ST18: variants seen among roughly 807,000 people sequenced by gnomAD.
The protein encoded by ST18 is suppression of tumorigenicity 18 protein.
Under a neutral mutation model 110.0 loss-of-function variants are expected in ST18, and 50 were observed. That is an observed-to-expected ratio of 0.45 (90% CI 0.36 to 0.58). ST18 has a LOEUF of 0.58. ST18 is among the 20% of genes least tolerant of loss of function. The pLI is 0.00. For synonymous variants in ST18, 461 were observed against 452.4 expected (o/e 1.02, Z -0.24); for missense variants, 1,306 against 1,280.1 (o/e 1.02, Z -0.31).
intron 2 of ST18, among the ~76,000 whole-genome samples, chr8:52,328,527 T>C (rs1564506541): frequency 6.6e-6 from 1 of 152,142 alleles, no homozygotes; most frequent in Non-Finnish European, 1.5e-5. Flanking sequence ...GCACATGGTG[T>C]TCACACTTCC....
intron 2 of ST18, among the ~76,000 whole-genome samples, chr8:52,323,568 G>A (rs527903163): frequency 2.0e-4 from 31 of 152,190 alleles, no homozygotes; most frequent in Non-Finnish European, 3.4e-4. Flanking sequence ...GTGCCACAGT[G>A]AGAACTAGAG....
intron 2 of ST18, among the ~76,000 whole-genome samples, chr8:52,367,683 G>A (rs1458824362): frequency 1.3e-5 from 2 of 152,162 alleles, no homozygotes; most frequent in Non-Finnish European, 2.9e-5. Context: ...ATTAGGGTTT[G>A]GTCCCATCTC....
chr8:52,223,373 G>A (rs962813108), intron 3 of ST18, among the ~76,000 whole-genome samples: 9 of 152,190 alleles, frequency 5.9e-5, no homozygotes, highest in Non-Finnish European at 1.2e-4. Context: ...GCCAGGTGTG[G>A]TGGCTCACGC....
At chr8:52,130,062 A>AAGAGAG (rs753697046) in intron 22 of ST18, among the ~76,000 whole-genome samples, 3 of 141,344 alleles carry the variant, frequency 2.1e-5, no homozygotes, top group Non-Finnish European at 3.0e-5. Flanking sequence ...GAAAGAAAGA[A>AAGAGAG]AGAGAGAGAG....
intron 8 of ST18, among the ~76,000 whole-genome samples, chr8:52,211,098 G>T (rs1261063255): frequency 6.6e-6 from 1 of 152,176 alleles, no homozygotes; most frequent in African/African-American, 2.4e-5. Context: ...GAAATGTACA[G>T]AGCAATTATC....
At chr8:52,237,385 T>C (rs771312987) in intron 2 of ST18, among the ~76,000 whole-genome samples, 1 of 152,244 alleles carries the variant, frequency 6.6e-6, no homozygotes, top group Non-Finnish European at 1.5e-5. Context: ...CACTAGATAC[T>C]ATTATAAATG....
At chr8:52,137,091 A>AG (rs2131788036) in intron 18 of ST18, among the ~76,000 whole-genome samples, 1 of 152,258 alleles carries the variant, frequency 6.6e-6, no homozygotes, top group Admixed American at 6.5e-5. Context: ...CCCAGGATTG[A>AG]GGGTATTACT....
chr8:52,307,774 C>A (rs538344213), intron 2 of ST18, among the ~76,000 whole-genome samples: 3 of 152,238 alleles, frequency 2.0e-5, no homozygotes, highest in African/African-American at 4.8e-5. Flanking sequence ...ATTACAGTAG[C>A]CTAAGCAACC....
intron 2 of ST18, among the ~76,000 whole-genome samples, chr8:52,278,791 G>A (rs1253382902): frequency 4.6e-5 from 7 of 152,174 alleles, no homozygotes; most frequent in Non-Finnish European, 1.0e-4. Flanking sequence ...ATAATAACTT[G>A]TAACAAGAAT....
intron 7 of ST18, among the ~76,000 whole-genome samples, 157 bp from the exon 8 acceptor site, chr8:52,212,266 CAG>C (rs775273501): frequency 3.3e-5 from 5 of 152,114 alleles, no homozygotes; most frequent in Non-Finnish European, 7.3e-5. Flanking sequence ...GATGAGAGGA[CAG>C]ATGGATATGG....
intron 2 of ST18, among the ~76,000 whole-genome samples, chr8:52,334,918 C>T (rs1811353695): frequency 6.6e-6 from 1 of 152,152 alleles, no homozygotes; most frequent in Non-Finnish European, 1.5e-5. Flanking sequence ...CACCTTCTGT[C>T]ACCACCGTCC....
intron 10 of ST18, among the ~76,000 whole-genome samples, chr8:52,169,119 G>C (rs955166193): frequency 3.9e-5 from 6 of 152,062 alleles, no homozygotes; most frequent in African/African-American, 1.4e-4. Flanking sequence ...ACAGTCCACC[G>C]TGCCCCTTTG....
chr8:52,237,336 T>C (rs1173396785), intron 2 of ST18, among the ~76,000 whole-genome samples: 1 of 152,216 alleles, frequency 6.6e-6, no homozygotes. Flanking sequence ...TAAGCATTCA[T>C]TAAAAAATAT....
At chr8:52,156,836 C>A (rs577052488) in intron 15 of ST18, among the ~76,000 whole-genome samples, 1 of 152,318 alleles carries the variant, frequency 6.6e-6, no homozygotes, top group South Asian at 2.1e-4. Flanking sequence ...ATTTTAGCAA[C>A]TACTATGCAA....
intron 8 of ST18, chr8:52,194,460 T>C (rs962509616): frequency 1.3e-5 from 2 of 152,188 alleles, no homozygotes; most frequent in African/African-American, 4.8e-5. Flanking sequence ...CCTTTTTATA[T>C]CTCTGGTGCA....
intron 2 of ST18, among the ~76,000 whole-genome samples, chr8:52,255,865 GTCT>G: frequency 6.6e-6 from 1 of 152,346 alleles, no homozygotes; most frequent in South Asian, 2.1e-4. Flanking sequence ...AAAGATCTCA[GTCT>G]TCTCTTGCAG....
intron 2 of ST18, among the ~76,000 whole-genome samples, chr8:52,238,785 T>C (rs1040585193): frequency 4.1e-5 from 6 of 144,936 alleles, no homozygotes; most frequent in Non-Finnish European, 4.5e-5. Flanking sequence ...CCACATGTTC[T>C]CACTAATAAA....
chr8:52,214,892 C>T (rs966319872), intron 6 of ST18, among the ~76,000 whole-genome samples: 9 of 152,236 alleles, frequency 5.9e-5, no homozygotes, highest in African/African-American at 1.9e-4. Flanking sequence ...TCCAAAACAT[C>T]ATTATTAAAT....
chr8:52,270,431 G>A (rs987541614), intron 2 of ST18, among the ~76,000 whole-genome samples: 1 of 152,118 alleles, frequency 6.6e-6, no homozygotes, highest in African/African-American at 2.4e-5. Context: ...TTGTGTGTGT[G>A]TGGTGAGAAC....
Sources: allele counts gnomAD v4.1 joint callset (sites outside exome capture counted in the v4.1 genomes callset), GRCh38; gene constraint gnomAD v4.1.1; transcripts MANE v1.5; gene names NCBI Gene and HGNC (gene_info 2026-07-23, HGNC 2026-07-21).